The following MDGA2 variants were observed in gnomAD, a reference collection of about 807,000 sequenced individuals.
The protein encoded by MDGA2 is MAM domain-containing glycosylphosphatidylinositol anchor protein 2.
In MDGA2, 40 loss-of-function variants were observed where a neutral mutation model predicts 117.8. The observed-to-expected ratio is 0.34, with a 90% CI of 0.26 to 0.44. MDGA2 has a LOEUF of 0.44. Ranked by LOEUF, MDGA2 falls within the 20% of genes least tolerant of loss-of-function variation. MDGA2 has a pLI of 1.00. For missense variants in MDGA2, 1,123 were observed against 1,250.6 expected, an observed-to-expected ratio of 0.90 and a Z score of 1.54; for synonymous variants, 452 against 439.0, an observed-to-expected ratio of 1.03 and a Z score of -0.37.
intron 5 of MDGA2, among the ~76,000 whole-genome samples, chr14:47,117,944 G>T (rs561441338): frequency 1.3e-4 from 20 of 152,204 alleles, no homozygotes; most frequent in Non-Finnish European, 2.2e-4. Flanking sequence ...TAAAAACCAT[G>T]TTTTAAAAAA....
At chr14:47,311,507 T>C (rs1889634181) in intron 1 of MDGA2, among the ~76,000 whole-genome samples, 1 of 152,086 alleles carries the variant, frequency 6.6e-6, no homozygotes, top group African/African-American at 2.4e-5. Context: ...AAAAACATCT[T>C]GGATCCCAGG....
intron 2 of MDGA2, among the ~76,000 whole-genome samples, chr14:47,238,625 G>A (rs1264586792): frequency 6.6e-6 from 1 of 151,444 alleles, no homozygotes; most frequent in Non-Finnish European, 1.5e-5. Context: ...TTACCCTATG[G>A]ACCGCTCAAA....
At chr14:47,264,267 G>A (rs925511357) in intron 2 of MDGA2, among the ~76,000 whole-genome samples, 1 of 152,074 alleles carries the variant, frequency 6.6e-6, no homozygotes, top group Admixed American at 6.6e-5. Context: ...AATGGAACAT[G>A]TCATTATAGA....
chr14:47,076,640 TCTC>T (rs1372529826), intron 6 of MDGA2, among the ~76,000 whole-genome samples: 3 of 151,914 alleles, frequency 2.0e-5, no homozygotes, highest in African/African-American at 7.2e-5. Context: ...TTACTCTGAC[TCTC>T]CTTTTTCACT....
chr14:47,036,657 C>A (rs1888866869), intron 7 of MDGA2, among the ~76,000 whole-genome samples: 1 of 152,248 alleles, frequency 6.6e-6, no homozygotes, highest in African/African-American at 2.4e-5. Flanking sequence ...AGTAGTACTG[C>A]ACATGAATGA....
At chr14:47,188,477 T>C (rs1231051350) in intron 3 of MDGA2, among the ~76,000 whole-genome samples, 1 of 152,192 alleles carries the variant, frequency 6.6e-6, no homozygotes, top group Non-Finnish European at 1.5e-5. Flanking sequence ...AAAGTGAATC[T>C]GCCCCGAGTC....
At chr14:47,142,269 C>T (rs921254736) in intron 4 of MDGA2, among the ~76,000 whole-genome samples, 7 of 152,084 alleles carry the variant, frequency 4.6e-5, no homozygotes, top group Non-Finnish European at 2.9e-5. Context: ...CATGGTGAAA[C>T]CCCACCTCTA....
At chr14:47,459,249 A>G (rs1893429644) in intron 1 of MDGA2, among the ~76,000 whole-genome samples, 1 of 152,052 alleles carries the variant, frequency 6.6e-6, no homozygotes, top group Admixed American at 6.6e-5. Flanking sequence ...TTACCTCCGA[A>G]GGCTGGCATA....
intron 8 of MDGA2, among the ~76,000 whole-genome samples, chr14:47,023,198 T>TAAAAAA (rs71985853): frequency 2.3e-4 from 24 of 102,768 alleles, no homozygotes; most frequent in Admixed American, 2.9e-4. Context: ...TTCCCACTCG[T>TAAAAAA]AAAAAAAAAA....
intron 1 of MDGA2, among the ~76,000 whole-genome samples, chr14:47,377,179 T>C (rs1379206235): frequency 6.6e-6 from 1 of 152,154 alleles, no homozygotes; most frequent in African/African-American, 2.4e-5. Flanking sequence ...GTATAATCCA[T>C]TGATGAAACA....
At chr14:47,266,682 A>G (rs1887976474) in intron 2 of MDGA2, among the ~76,000 whole-genome samples, 3 of 152,144 alleles carry the variant, frequency 2.0e-5, no homozygotes, top group Admixed American at 2.0e-4. Context: ...CCCCTCTTAG[A>G]GTGACTGATT....
intron 7 of MDGA2, among the ~76,000 whole-genome samples, chr14:47,056,861 C>T (rs911205061): frequency 6.6e-6 from 1 of 152,018 alleles, no homozygotes; most frequent in Non-Finnish European, 1.5e-5. Context: ...GGCTAAAATT[C>T]ACATGCATTT....
intron 10 of MDGA2, among the ~76,000 whole-genome samples, chr14:46,899,003 T>C (rs990650589): frequency 6.6e-6 from 1 of 151,952 alleles, no homozygotes; most frequent in African/African-American, 2.4e-5. Flanking sequence ...GGAGACACTA[T>C]AAAATTAGAG....
intron 9 of MDGA2, among the ~76,000 whole-genome samples, chr14:46,954,128 T>C (rs1885471456): frequency 6.6e-6 from 1 of 151,952 alleles, no homozygotes; most frequent in Admixed American, 6.6e-5. Context: ...ACCTCGCAGG[T>C]TGATTTTCCT....
intron 10 of MDGA2, among the ~76,000 whole-genome samples, chr14:46,893,351 G>A (rs1250653060): frequency 2.0e-5 from 3 of 151,930 alleles, no homozygotes; most frequent in African/African-American, 7.2e-5. Flanking sequence ...TACCAGGGGT[G>A]TAAGTGTGAG....
In MDGA2 at chr14:46,849,006, C is replaced by A. The variant is rs922722318; in HGVS notation, c.2884-3135G>T. On this transcript the variant is annotated intron_variant, in intron 15 of 16. Transcript: ENST00000399232. ...AATATATTATTTACATTTACACTTA[C>A]AATTATTGATACTACATTTTGTCAT... 3.9e-5 allele frequency among the ~76,000 whole-genome samples: 6 copies of A among 151,980 alleles called. No homozygotes were observed. In the East Asian group the frequency reaches 1.2e-3, roughly 29 times the overall value.
At chr14:46,930,980 G>T (rs1176785767) in intron 9 of MDGA2, among the ~76,000 whole-genome samples, 1 of 152,056 alleles carries the variant, frequency 6.6e-6, no homozygotes, top group African/African-American at 2.4e-5. Flanking sequence ...GCTTTGGGAG[G>T]CCGAGGCGGG....
intron 9 of MDGA2, among the ~76,000 whole-genome samples, chr14:46,935,105 T>C (rs568722252): frequency 3.3e-5 from 5 of 152,066 alleles, no homozygotes; most frequent in Non-Finnish European, 5.9e-5. Context: ...CTGTAGAGTA[T>C]GTGAATTGGT....
chr14:47,606,042 T>C (rs901674075), intron 1 of MDGA2, among the ~76,000 whole-genome samples: 1 of 152,202 alleles, frequency 6.6e-6, no homozygotes, highest in African/African-American at 2.4e-5. Context: ...GTGTTAAATA[T>C]TAATCTGATA....
Sources: allele counts gnomAD v4.1 joint callset (sites outside exome capture counted in the v4.1 genomes callset), GRCh38; gene constraint gnomAD v4.1.1; transcripts MANE v1.5; gene names NCBI Gene and HGNC (gene_info 2026-07-23, HGNC 2026-07-21).